The following SNU13 variants were observed in gnomAD, a reference collection of about 807,000 sequenced individuals.
SNU13 encodes the protein small nuclear ribonucleoprotein 13, also known as NHP2-like protein 1.
SNU13 carries 2 observed loss-of-function variants against 12.4 expected under a neutral mutation model. The observed-to-expected ratio is 0.16, with a 90% CI of 0.07 to 0.51. The LOEUF (loss-of-function observed/expected upper bound fraction) is 0.51, where lower values mean the gene tolerates loss of function less well. Ranked by LOEUF, SNU13 falls within the 20% of genes least tolerant of loss-of-function variation. The pLI is 0.96. For synonymous variants in SNU13, 68 were observed against 66.5 expected (o/e 1.02, Z -0.11); for missense variants, 66 against 157.8 (o/e 0.42, Z 3.12).
At position 41,680,437 on chromosome 22, in the gene SNU13, C is replaced by T. The variant is rs1043751839; in HGVS notation, c.4-73G>A. ...CCTACCTGAGTCACAAAATACTAAT[C>T]AACAATTGAGACACAGGGGGCAGCT... On this transcript the variant is annotated intron_variant, in intron 1 of 2. Coordinates refer to ENST00000401959, the MANE Select transcript of SNU13 (RefSeq NM_001003796.2). 8 of 1,525,334 alleles carry T rather than the reference C, an allele frequency of 5.2e-6. No individual in the cohort carries two copies. In the Admixed American group the frequency reaches 1.5e-4, roughly 28 times the overall value. The allele number at this position is 1,525,334 out of a possible 1,614,324, so 94.5% of individuals were successfully genotyped here. A position where few individuals can be genotyped will look rare whatever the true frequency, so the allele number is the denominator to read the frequency against.
Position 41,674,887 on chromosome 22 carries a change from C to T in SNU13, c.*46G>A, listed in dbSNP as rs1219242240. 1.9e-6 allele frequency: 3 copies of T among 1,598,946 alleles called. No individual in the cohort carries two copies. The highest frequency in any genetic ancestry group is 2.6e-6 in the Non-Finnish European group (3 of 1,170,320). On this transcript the variant is annotated 3_prime_UTR_variant, in exon 3 of 3. Transcript: ENST00000401959. Reference sequence around the variant, plus strand: ...CTAACACAGATAATATGATACACAACCTCAGGGGGGAAGCTGGCAGGGAGC... The same window carrying T: ...CTAACACAGATAATATGATACACAATCTCAGGGGGGAAGCTGGCAGGGAGC...
At chr22:41,680,942 G>C (rs1344133308) in intron 1 of SNU13, among the ~76,000 whole-genome samples, 1 of 152,198 alleles carries the variant, frequency 6.6e-6, no homozygotes, top group African/African-American at 2.4e-5. Context: ...TGTAATCACA[G>C]CACTTTGGGC....
chr22:41,680,185 GC>G, intron 2 of SNU13, 58 bp downstream of exon 2: 1 of 1,525,436 alleles, frequency 6.6e-7, no homozygotes, highest in Non-Finnish European at 8.9e-7. Context: ...CAGATCAGAG[GC>G]CCCAGATGGA....
At chr22:41,683,147 C>A (rs1170076712) in intron 1 of SNU13, among the ~76,000 whole-genome samples, 2 of 152,208 alleles carry the variant, frequency 1.3e-5, no homozygotes, top group African/African-American at 2.4e-5. Context: ...CAGGCATGCA[C>A]AACCACGCCC....
At chr22:41,676,009 C>A (rs1201627132) in intron 2 of SNU13, among the ~76,000 whole-genome samples, 1 of 152,196 alleles carries the variant, frequency 6.6e-6, no homozygotes, top group South Asian at 2.1e-4. Context: ...TGATTACAGG[C>A]ATGAGCCACC....
At chr22:41,684,315 G>C (rs2068292110) in intron 1 of SNU13, among the ~76,000 whole-genome samples, 1 of 152,192 alleles carries the variant, frequency 6.6e-6, no homozygotes, top group African/African-American at 2.4e-5. Flanking sequence ...TTCTATTTCA[G>C]CAATTTCTCC....
chr22:41,687,122 A>G (rs1250730223), intron 1 of SNU13, among the ~76,000 whole-genome samples: 13 of 149,160 alleles, frequency 8.7e-5, no homozygotes. Context: ...ACGCCTGGCT[A>G]ATTTTTTTGA....
intron 1 of SNU13, chr22:41,687,772 T>G (rs2068323959): frequency 1.3e-5 from 2 of 152,246 alleles, no homozygotes; most frequent in Admixed American, 6.5e-5. Context: ...TTTCATTTGA[T>G]CCTCACAACA....
chr22:41,688,152 C>T (rs1214982465), intron 1 of SNU13: 1 of 152,224 alleles, frequency 6.6e-6, no homozygotes, highest in East Asian at 1.9e-4. Context: ...GTGGTGCTAC[C>T]AGACTTCTGG....
chr22:41,685,422 C>T (rs1161083520), intron 1 of SNU13, among the ~76,000 whole-genome samples: 2 of 151,886 alleles, frequency 1.3e-5, no homozygotes, highest in Non-Finnish European at 2.9e-5. Flanking sequence ...GGCACAATCT[C>T]GGCTCACCGC....
At chr22:41,679,413 G>A (rs956962883) in intron 2 of SNU13, among the ~76,000 whole-genome samples, 13 of 152,068 alleles carry the variant, frequency 8.5e-5, no homozygotes, top group African/African-American at 2.7e-4. Context: ...AAAATTAGCT[G>A]GACGTGGTGG....
intron 2 of SNU13, among the ~76,000 whole-genome samples, chr22:41,676,531 C>CTT (rs35474083): frequency 2.8e-4 from 42 of 148,440 alleles, no homozygotes; most frequent in African/African-American, 8.9e-4. Context: ...TAACCTAATT[C>CTT]TTTTTTTTTT....
At chr22:41,686,429 C>T (rs58468198) in intron 1 of SNU13, among the ~76,000 whole-genome samples, 1,583 of 148,648 alleles carry the variant, frequency 0.011, 27 homozygotes, top group African/African-American at 0.037. Flanking sequence ...CTCAGCCTCC[C>T]GAGTAACTGG....
chr22:41,674,762 T>C lies in SNU13; in HGVS notation c.*171A>G. 1 of 863,974 alleles carries C rather than the reference T, an allele frequency of 1.2e-6. No homozygotes were observed. Among genetic ancestry groups the C allele is most frequent in the Non-Finnish European group, 1.7e-6 (1 of 575,002 alleles). The allele number at this position is 863,974 out of a possible 1,614,324, so 53.5% of individuals were successfully genotyped here. On this transcript the variant is annotated 3_prime_UTR_variant, in exon 3 of 3. Coordinates refer to ENST00000401959, the MANE Select transcript of SNU13 (RefSeq NM_001003796.2). ...GAGGGAGGGAGGAAAGGAAGGGGGA[T>C]AGCAACCCTGTAAAACAGAACAAAA...
chr22:41,683,706 T>C (rs555116602), intron 1 of SNU13, among the ~76,000 whole-genome samples: 1 of 152,310 alleles, frequency 6.6e-6, no homozygotes, highest in African/African-American at 2.4e-5. Context: ...CTTTTATATC[T>C]ATTCTAAATT....
intron 1 of SNU13, chr22:41,682,469 C>A (rs1286257703): frequency 3.8e-6 from 6 of 1,595,670 alleles, no homozygotes; most frequent in Non-Finnish European, 5.1e-6. Context: ...CCCCCAAGAG[C>A]AGGAAGTGAC....
chr22:41,686,333 C>T (rs184701975), intron 1 of SNU13, among the ~76,000 whole-genome samples: 7 of 147,470 alleles, frequency 4.7e-5, no homozygotes, highest in Admixed American at 2.7e-4. Flanking sequence ...GAGACGGCAT[C>T]TCCCTCTGTC....
rs1437560982 is a variant in SNU13, at chr22:41,680,224, G to T, written c.124+20C>A. 1.9e-6 allele frequency: 3 copies of T among 1,605,326 alleles called. No homozygotes were observed. The highest frequency in any genetic ancestry group is 2.6e-6 in the Non-Finnish European group (3 of 1,174,346). On this transcript the variant is annotated intron_variant, in intron 2 of 2. Transcript: ENST00000401959. ...CAGGTGCCTTTAACATTCCCCCAGAGCATCCTGTGGCTGCCTTACCCTCAT... is the reference window on the plus strand; with the variant it reads ...CAGGTGCCTTTAACATTCCCCCAGATCATCCTGTGGCTGCCTTACCCTCAT...
intron 1 of SNU13, among the ~76,000 whole-genome samples, 169 bp from the exon 2 acceptor site, chr22:41,680,533 GA>G (rs1401630847): frequency 6.6e-6 from 1 of 151,480 alleles, no homozygotes; most frequent in Non-Finnish European, 1.5e-5. Flanking sequence ...TCCTACCTTC[GA>G]AAAAAAGGAA....
Sources: gnomAD v4.1 joint callset for allele counts (sites outside exome capture counted in the v4.1 genomes callset) on GRCh38, gnomAD v4.1.1 for gene constraint, MANE v1.5 for transcripts, NCBI Gene and HGNC (gene_info 2026-07-23, HGNC 2026-07-21) for gene names.